The following SHTN1 variants were observed in gnomAD, a reference collection of about 807,000 sequenced individuals.
The protein encoded by SHTN1 is shootin 1.
A neutral mutation model predicts 83.1 loss-of-function variants in SHTN1; 42 were observed. That is an observed-to-expected ratio of 0.51 (90% CI 0.39 to 0.65). The LOEUF is 0.65. Ranked by LOEUF, SHTN1 falls within the 30% of genes least tolerant of loss-of-function variation. SHTN1 has a pLI of 0.00. For missense variants in SHTN1, 622 were observed against 737.8 expected (o/e 0.84, Z 1.82); for synonymous variants, 224 against 247.7 (o/e 0.90, Z 0.90).
At chr10:117,081,645 G>C (rs1413188186) in intron 1 of SHTN1, among the ~76,000 whole-genome samples, 1 of 146,814 alleles carries the variant, frequency 6.8e-6, no homozygotes, top group South Asian at 2.3e-4. Flanking sequence ...GTAGAATTCG[G>C]CTGTGAATCC....
intron 2 of SHTN1, among the ~76,000 whole-genome samples, chr10:117,035,178 C>A (rs1427132827): frequency 3.9e-5 from 6 of 152,138 alleles, no homozygotes; most frequent in Non-Finnish European, 8.8e-5. Context: ...AGAAACAAAT[C>A]CACACACCTA....
At chr10:116,904,037 T>C (rs915999614) in intron 15 of SHTN1, among the ~76,000 whole-genome samples, 2 of 152,170 alleles carry the variant, frequency 1.3e-5, no homozygotes, top group African/African-American at 4.8e-5. Context: ...ACAACATCCT[T>C]TGTCCCTGGG....
intron 1 of SHTN1, among the ~76,000 whole-genome samples, chr10:117,067,099 G>A (rs988088032): frequency 1.3e-5 from 2 of 152,216 alleles, no homozygotes; most frequent in African/African-American, 4.8e-5. Context: ...ATATACATAT[G>A]CCTGAGGAGA....
At chr10:116,935,974 C>G (rs1346479748) in intron 9 of SHTN1, among the ~76,000 whole-genome samples, 8 of 152,148 alleles carry the variant, frequency 5.3e-5, no homozygotes, top group African/African-American at 1.4e-4. Flanking sequence ...ATAGTATTCT[C>G]TGATGGTAGT....
At chr10:117,047,809 G>A (rs912040742) in intron 2 of SHTN1, among the ~76,000 whole-genome samples, 2 of 149,172 alleles carry the variant, frequency 1.3e-5, no homozygotes, top group African/African-American at 4.9e-5. Context: ...TAGAGATGGG[G>A]TTTCACCATG....
intron 1 of SHTN1, among the ~76,000 whole-genome samples, chr10:116,998,144 C>T (rs911417483): frequency 1.3e-5 from 2 of 152,172 alleles, no homozygotes; most frequent in Non-Finnish European, 1.5e-5. Context: ...GGAACATCTA[C>T]ATAAATTATT....
At chr10:117,098,793 C>T (rs1453955136) in intron 1 of SHTN1, among the ~76,000 whole-genome samples, 2 of 152,074 alleles carry the variant, frequency 1.3e-5, no homozygotes, top group East Asian at 1.9e-4. Context: ...CCCCCAAACG[C>T]TTCCTCCTGC....
intron 1 of SHTN1, among the ~76,000 whole-genome samples, chr10:117,117,661 C>A (rs928084198): frequency 1.5e-4 from 23 of 152,110 alleles, no homozygotes; most frequent in African/African-American, 5.6e-4. Flanking sequence ...GCTATAGTAG[C>A]CAAGTCAGCA....
In SHTN1 at chr10:116,935,452, T is replaced by C. The variant is rs561441199; in HGVS notation, c.858+5014A>G. ...TGGTTTTTGTCATTGGTTCTGTTTA[T>C]GTGATGGATTACATTTATTGATTTG... On this transcript the variant is annotated intron_variant, in intron 9 of 16. Transcript: ENST00000355371. 4.1e-3 allele frequency among the ~76,000 whole-genome samples: 627 copies of C among 152,352 alleles called. 7 individuals carry two copies. The highest frequency in any genetic ancestry group is 0.014 in the African/African-American group (595 of 41,586).
chr10:116,920,434 G>A (rs529729805), intron 12 of SHTN1, among the ~76,000 whole-genome samples: 1 of 152,050 alleles, frequency 6.6e-6, no homozygotes, highest in Non-Finnish European at 1.5e-5. Flanking sequence ...CAATGAACCA[G>A]AGTCCTGTGA....
At chr10:116,949,794 C>G (rs1849711445) in intron 6 of SHTN1, among the ~76,000 whole-genome samples, 2 of 151,730 alleles carry the variant, frequency 1.3e-5, no homozygotes, top group African/African-American at 4.8e-5. Flanking sequence ...ATAAATACTC[C>G]CACAAAAATT....
intron 9 of SHTN1, among the ~76,000 whole-genome samples, chr10:116,939,299 G>A (rs1361114862): frequency 6.6e-6 from 1 of 152,152 alleles, no homozygotes; most frequent in African/African-American, 2.4e-5. Flanking sequence ...GGTGGTGTAG[G>A]CACCCAAGGC....
rs1314222339 is a variant in SHTN1, at chr10:117,005,095, C to T, written c.-16G>A. The T allele has an allele frequency of 6.3e-7, 1 of 1,587,798 alleles. No homozygotes were observed. The highest frequency in any genetic ancestry group is 8.6e-7 in the Non-Finnish European group (1 of 1,167,006). On this transcript the variant is annotated 5_prime_UTR_variant, in exon 1 of 17. Coordinates refer to ENST00000355371, the MANE Select transcript of SHTN1 (RefSeq NM_001127211.3). ...AGCTGTTCATTTTGGCGGGTGGGGC[C>T]GGGAATAAAAGGGAAAGAGGGAGCG...
intron 7 of SHTN1, among the ~76,000 whole-genome samples, chr10:116,947,278 C>T (rs1374830360): frequency 6.6e-6 from 1 of 152,178 alleles, no homozygotes; most frequent in Non-Finnish European, 1.5e-5. Flanking sequence ...GGGCAGACAG[C>T]ACACTGTCCA....
At chr10:116,891,182 TGAAC>T (rs1358610147) in intron 16 of SHTN1, among the ~76,000 whole-genome samples, 1 of 152,250 alleles carries the variant, frequency 6.6e-6, no homozygotes, top group Non-Finnish European at 1.5e-5. Flanking sequence ...TTACAGTGAA[TGAAC>T]TTTTAAGCGG....
chr10:116,979,821 A>G (rs903196514), intron 1 of SHTN1, among the ~76,000 whole-genome samples: 1 of 152,202 alleles, frequency 6.6e-6, no homozygotes, highest in African/African-American at 2.4e-5. Context: ...TTATTTAGAA[A>G]ATCAGCCTGT....
At position 116,892,306 on chromosome 10, in the gene SHTN1, G is replaced by A. The variant is rs183716606; in HGVS notation, c.1674-5740C>T. On this transcript the variant is annotated intron_variant, in intron 16 of 16. Transcript: ENST00000355371. ...CTGGCACAAGGAGGTTCAGGAAACC[G>A]GACTATTCTCACAGCAAAAGCAACA... Among the ~76,000 whole-genome samples the A allele has an allele frequency of 3.2e-4, 49 of 152,278 alleles. 1 individual carries two copies. Among genetic ancestry groups the A allele is most frequent in the Admixed American group, 2.0e-3 (30 of 15,296 alleles).
chr10:117,062,221 C>G (rs1425544992), intron 1 of SHTN1, among the ~76,000 whole-genome samples: 1 of 152,126 alleles, frequency 6.6e-6, no homozygotes, highest in Non-Finnish European at 1.5e-5. Context: ...AATCTTAGAA[C>G]TTTTCAGCTA....
rs1182238549 is a variant in SHTN1 at position 117,052,482 on chromosome 10, T to C, written c.-188-3972A>G. On this transcript the variant is annotated intron_variant, in intron 1 of 17. Coordinates refer to the SHTN1 transcript ENST00000392901. ...CCCAGATAGCCAAAACAATCTTGAA[T>C]AAGAAAAACAAAGTTGGAGGACTCA... Among the ~76,000 whole-genome samples the C allele has an allele frequency of 3.2e-4, 48 of 151,600 alleles. 2 individuals are homozygous for C. Among genetic ancestry groups the C allele is most frequent in the Admixed American group, 3.2e-3 (48 of 15,216 alleles).
Sources: allele counts gnomAD v4.1 joint callset (sites outside exome capture counted in the v4.1 genomes callset), GRCh38; gene constraint gnomAD v4.1.1; transcripts MANE v1.5; gene names NCBI Gene and HGNC (gene_info 2026-07-23, HGNC 2026-07-21).